The following POFUT2 variants were observed in gnomAD, a reference collection of about 807,000 sequenced individuals.
POFUT2 encodes GDP-fucose protein O-fucosyltransferase 2.
In POFUT2, 30 loss-of-function variants were observed where a neutral mutation model predicts 55.0. The ratio of observed to expected loss-of-function variants is 0.55; its 90% CI spans 0.41 to 0.74. The LOEUF (loss-of-function observed/expected upper bound fraction) is 0.74. Ranked by LOEUF, POFUT2 falls within the 30% of genes least tolerant of loss-of-function variation. The pLI is 0.00. For synonymous variants in POFUT2, 267 were observed against 231.1 expected (o/e 1.16, Z -1.41); for missense variants, 524 against 562.6 (o/e 0.93, Z 0.69).
At chr21:45,286,191 A>G (rs1204549776) in intron 1 of POFUT2, among the ~76,000 whole-genome samples, 1 of 152,230 alleles carries the variant, frequency 6.6e-6, no homozygotes, top group Non-Finnish European at 1.5e-5. Flanking sequence ...CTGGAACCCA[A>G]GAATCAGTAC....
rs1156410570 is a variant in POFUT2, at chr21:45,265,425, A to G, written c.*57T>C. 3.3e-6 allele frequency: 5 copies of G among 1,493,004 alleles called. No homozygotes were observed. The highest frequency in any genetic ancestry group is 3.6e-6 in the Non-Finnish European group (4 of 1,097,272). 92.5% of individuals were successfully genotyped at this position (1,493,004 alleles called of 1,614,324 possible). A position where few individuals can be genotyped will look rare whatever the true frequency, so the allele number is the denominator to read the frequency against. On this transcript the variant is annotated 3_prime_UTR_variant, in exon 9 of 9. Transcript: ENST00000349485. This position sits in a 1 kb window ranked among gnomAD's most constrained non-coding sequence, Gnocchi z 4.6. ...CAGTAGACGGTGACTCCACGGCGAC[A>G]GAACCTGCATCCACCCGCGCCTGTC...
rs2093168248 is a variant in POFUT2, at chr21:45,267,581, G to A, written c.1136+9C>T. Reference sequence around the variant, plus strand: ...CCCGCTCTCGGCCGACAGTGACGTGGGCAGGCACCTGGCGTGTGCGCAGAT... The same window carrying A: ...CCCGCTCTCGGCCGACAGTGACGTGAGCAGGCACCTGGCGTGTGCGCAGAT... On this transcript the variant is annotated intron_variant, in intron 8 of 8. Transcript: ENST00000349485. The surrounding 1 kb of genome is among the most constrained non-coding windows in gnomAD (Gnocchi z 4.4). 6.2e-7 allele frequency: 1 copy of A among 1,614,050 alleles called. No individual in the cohort carries two copies. The highest frequency in any genetic ancestry group is 8.5e-7 in the Non-Finnish European group (1 of 1,180,042).
In POFUT2 at chr21:45,265,696, TCAGGGAGAACTGAGAGG is replaced by T; in HGVS notation, c.1137-78_1137-62del. On this transcript the variant is annotated intron_variant, in intron 8 of 8. Transcript: ENST00000349485. This position sits in a 1 kb window ranked among gnomAD's most constrained non-coding sequence, Gnocchi z 4.6. The stretch of plus-strand genomic sequence containing the variant: ...AACTGGCGTCACAGAGGTTCCAGAG[TCAGGGAGAACTGAGAGG>T]AGCAGCTGAGTGAAATGAGTTCCAC... 1 of 1,548,580 alleles carries T rather than the reference TCAGGGAGAACTGAGAGG, an allele frequency of 6.5e-7. No individual in the cohort carries two copies.
At position 45,265,829 on chromosome 21, in the gene POFUT2, G is replaced by A. The variant is rs949415491; in HGVS notation, c.1137-194C>T. The A allele has an allele frequency of 3.9e-5, 55 of 1,400,208 alleles. No individual in the cohort carries two copies. The highest frequency in any genetic ancestry group is 2.7e-4 in the Middle Eastern group (1 of 3,700). 86.7% of individuals were successfully genotyped at this position (1,400,208 alleles called of 1,614,324 possible). A position where few individuals can be genotyped will look rare whatever the true frequency, so the allele number is the denominator to read the frequency against. On this transcript the variant is annotated intron_variant, in intron 8 of 8. Transcript: ENST00000349485. This position sits in a 1 kb window ranked among gnomAD's most constrained non-coding sequence, Gnocchi z 4.6. ...CCCTCGCTCAGGTGCCCTCGACATC[G>A]GCGCCCTGAGGGGCTCTGCCTGGTG...
At chr21:45,271,749 C>T (rs552376579) in intron 6 of POFUT2, among the ~76,000 whole-genome samples, 2 of 152,256 alleles carry the variant, frequency 1.3e-5, no homozygotes, top group East Asian at 1.9e-4. Context: ...TATCTTCAGC[C>T]TCCACAAACA....
chr21:45,285,603 T>C lies in POFUT2; in HGVS notation c.382+75A>G. 6.3e-7 allele frequency: 1 copy of C among 1,591,064 alleles called. No individual in the cohort carries two copies. The highest frequency in any genetic ancestry group is 8.6e-7 in the Non-Finnish European group (1 of 1,164,650). ...GCTGGATGCAATCGTAAGCCCAACC[T>C]GATGTCTACCTTAGAAATGACTGCC... On this transcript the variant is annotated intron_variant, in intron 2 of 8. Coordinates refer to ENST00000349485, the MANE Select transcript of POFUT2 (RefSeq NM_133635.6). This position sits in a 1 kb window ranked among gnomAD's most constrained non-coding sequence, Gnocchi z 4.9.
Position 45,277,066 on chromosome 21 carries a change from G to C in POFUT2, c.782C>G (p.Thr261Arg). The change falls in exon 6 of 9, where the codon ACG (threonine) becomes AGG (arginine). Residue 261 changes from threonine (T) to arginine (R), a missense_variant. Physicochemically the swap from Thr to Arg is moderately conservative, Grantham distance 71. Coordinates refer to ENST00000349485, the MANE Select transcript of POFUT2 (RefSeq NM_133635.6). This position sits in a 1 kb window ranked among gnomAD's most constrained non-coding sequence, Gnocchi z 6.9. ...GAAGGGGATCCTGTCTGCGTCGTCC[G>C]TGGAGTTGAGATGTCTGCTCCTGAA... ...DEFRSRHLNS[T>R]DDADRIPFQE... 1.2e-6 allele frequency: 2 copies of C among 1,614,070 alleles called. No homozygotes were observed. The highest frequency in any genetic ancestry group is 8.5e-7 in the Non-Finnish European group (1 of 1,179,938).
At chr21:45,273,079 T>C (rs1303248425) in intron 6 of POFUT2, among the ~76,000 whole-genome samples, 1 of 150,056 alleles carries the variant, frequency 6.7e-6, no homozygotes, top group African/African-American at 2.5e-5. Flanking sequence ...GACAAAAAAA[T>C]ACAAAAGTTA....
chr21:45,272,092 A>G (rs1444954034), intron 6 of POFUT2, among the ~76,000 whole-genome samples: 1 of 152,178 alleles, frequency 6.6e-6, no homozygotes, highest in Non-Finnish European at 1.5e-5. Flanking sequence ...TAGAGACTCC[A>G]CTTAAGAGAA....
intron 4 of POFUT2, among the ~76,000 whole-genome samples, chr21:45,278,606 C>T (rs1235525653): frequency 6.6e-6 from 1 of 152,222 alleles, no homozygotes; most frequent in East Asian, 1.9e-4. Context: ...AAAGCCGGAG[C>T]TGCATCTGTT....
rs914268441 is a variant in POFUT2, at chr21:45,270,239, T to C, written c.832-220A>G. On this transcript the variant is annotated intron_variant, in intron 6 of 8. Transcript: ENST00000349485. This position sits in a 1 kb window ranked among gnomAD's most constrained non-coding sequence, Gnocchi z 4.6. ...GCAGTATTAATTACCAGAAATCATT[T>C]TATCTGAGGTAAAGAAAAATATTTA... is the stretch of plus-strand genomic sequence containing the variant. 2 of 394,170 alleles carry C rather than the reference T, an allele frequency of 5.1e-6. No individual in the cohort carries two copies. The highest frequency in any genetic ancestry group is 8.9e-6 in the Non-Finnish European group (2 of 224,496). The allele number at this position is 394,170 out of a possible 1,614,324, so 24.4% of individuals were successfully genotyped here. A position where few individuals can be genotyped will look rare whatever the true frequency, so the allele number is the denominator to read the frequency against.
At position 45,267,112 on chromosome 21, in the gene POFUT2, C is replaced by G; in HGVS notation, c.1136+478G>C. 1 of 1,183,536 alleles carries G rather than the reference C, an allele frequency of 8.4e-7. No individual in the cohort carries two copies. The highest frequency in any genetic ancestry group is 1.1e-6 in the Non-Finnish European group (1 of 948,914). The allele number at this position is 1,183,536 out of a possible 1,614,324, so 73.3% of individuals were successfully genotyped here. A position where few individuals can be genotyped will look rare whatever the true frequency, so the allele number is the denominator to read the frequency against. Reference sequence around the variant, plus strand: ...CGGCAGCCCCACAAGAACGATCACACGAGGGCCCATGCTCCCAGCCTTGGG... The same window carrying G: ...CGGCAGCCCCACAAGAACGATCACAGGAGGGCCCATGCTCCCAGCCTTGGG... On this transcript the variant is annotated intron_variant, in intron 8 of 8. Coordinates refer to ENST00000349485, the MANE Select transcript of POFUT2 (RefSeq NM_133635.6). The surrounding 1 kb of genome is among the most constrained non-coding windows in gnomAD (Gnocchi z 4.4).
At chr21:45,287,674 C>CCCCAACCCAACACAGAA in intron 1 of POFUT2, 67 bp downstream of exon 1, 3 of 1,162,084 alleles carry the variant, frequency 2.6e-6, no homozygotes, top group African/African-American at 1.6e-5. Flanking sequence ...CCGCCCCGCC[C>CCCCAACCCAACACAGAA]CCATCCCATC....
chr21:45,269,775 G>T, intron 7 of POFUT2, 64 bp downstream of exon 7: 2 of 1,474,544 alleles, frequency 1.4e-6, no homozygotes, highest in Non-Finnish European at 1.8e-6. Flanking sequence ...AAACACCCAA[G>T]AATTATCAAT....
Position 45,278,181 on chromosome 21 carries a change from CA to C in POFUT2, c.639-13del, listed in dbSNP as rs559887977. 625 of 1,604,474 alleles carry C rather than the reference CA, an allele frequency of 3.9e-4. No homozygotes were observed. Among genetic ancestry groups the C allele is most frequent in the Non-Finnish European group, 5.1e-4 (597 of 1,171,428 alleles). On this transcript the variant is annotated splice_polypyrimidine_tract_variant and intron_variant, in intron 4 of 8. Coordinates refer to ENST00000349485, the MANE Select transcript of POFUT2 (RefSeq NM_133635.6). Reference sequence around the variant, plus strand: ...CTAACATCACGGACCTGTTTTTAAACAACAGAAGAATAAACAGTTATAAGAG... The same window carrying C: ...CTAACATCACGGACCTGTTTTTAAACACAGAAGAATAAACAGTTATAAGAG...
rs775374899 is a variant in POFUT2 at position 45,265,468 on chromosome 21, C to T, written c.*14G>A. The stretch of plus-strand genomic sequence containing the variant: ...CGCCTGTCGGGTCCGGGGAGCGGCC[C>T]TGGAGGATCCTCCTCAGTAGGTGAT... On this transcript the variant is annotated 3_prime_UTR_variant, in exon 9 of 9. Transcript: ENST00000349485. The surrounding 1 kb of genome is among the most constrained non-coding windows in gnomAD (Gnocchi z 4.6). 49 of 1,607,164 alleles carry T rather than the reference C, an allele frequency of 3.0e-5. No individual in the cohort carries two copies. In the South Asian group the frequency reaches 4.8e-4, roughly 16 times the overall value.
In POFUT2 at chr21:45,283,846, C is replaced by A. The variant is rs918308811; in HGVS notation, c.383-319G>T. Among the ~76,000 whole-genome samples the A allele has an allele frequency of 3.3e-5, 5 of 152,304 alleles. 1 individual carries two copies. Among genetic ancestry groups the A allele is most frequent in the Admixed American group, 3.3e-4 (5 of 15,302 alleles). On this transcript the variant is annotated intron_variant, in intron 2 of 8. Coordinates refer to ENST00000349485, the MANE Select transcript of POFUT2 (RefSeq NM_133635.6). ...TCCGGCCCTCACGCCGTGGTCCAGG[C>A]TGTTCCCTGCCAGGACCACTCCCCT...
Position 45,267,517 on chromosome 21 carries a change from C to T in POFUT2, c.1136+73G>A, listed in dbSNP as rs370435698. On this transcript the variant is annotated intron_variant, in intron 8 of 8. Transcript: ENST00000349485. This position sits in a 1 kb window ranked among gnomAD's most constrained non-coding sequence, Gnocchi z 4.4. ...CACAGGCGACCATCTGCTCTGACAC[C>T]GAGTACTTGGGACAGAAGAACCTTT... 3.2e-5 allele frequency: 51 copies of T among 1,614,146 alleles called. No individual in the cohort carries two copies. In the East Asian group the frequency reaches 4.2e-4, roughly 13 times the overall value.
chr21:45,279,350 G>A (rs1368046405), intron 4 of POFUT2, among the ~76,000 whole-genome samples: 3 of 152,066 alleles, frequency 2.0e-5, no homozygotes, highest in Non-Finnish European at 4.4e-5. Flanking sequence ...AGCCGAGATC[G>A]CGCCACTGCA....
Sources: gnomAD v4.1 joint callset for allele counts (sites outside exome capture counted in the v4.1 genomes callset) on GRCh38, gnomAD v4.1.1 for gene constraint, Gnocchi (gnomAD v3.1) non-coding constraint, MANE v1.5 for transcripts, NCBI Gene and HGNC (gene_info 2026-07-23, HGNC 2026-07-21) for gene names.